Variants in CIP2A observed in about 807,000 individuals in gnomAD.
CIP2A encodes the protein cellular inhibitor of PP2A.
CIP2A carries 103 observed loss-of-function variants against 110.9 expected under a neutral mutation model. That is an observed-to-expected ratio of 0.93 (90% CI 0.79 to 1.09). The LOEUF (loss-of-function observed/expected upper bound fraction) is 1.09, where lower values mean the gene tolerates loss of function less well. Among genes scored for constraint, CIP2A ranks in the 50% least tolerant of loss-of-function variants. CIP2A has a pLI of 0.00. For synonymous variants in CIP2A, 381 were observed against 361.6 expected, an observed-to-expected ratio of 1.05 and a Z score of -0.61; for missense variants, 1,088 against 1,038.4, an observed-to-expected ratio of 1.05 and a Z score of -0.66.
intron 13 of CIP2A, among the ~76,000 whole-genome samples, chr3:108,562,533 T>C (rs1307355465): frequency 6.6e-6 from 1 of 152,162 alleles, no homozygotes. Context: ...AGACTCCTAA[T>C]AGACATTTAG....
intron 5 of CIP2A, among the ~76,000 whole-genome samples, chr3:108,581,088 G>T (rs1938859153): frequency 1.3e-5 from 2 of 152,218 alleles, no homozygotes; most frequent in South Asian, 4.1e-4. Context: ...GACTGCCAGT[G>T]ATGTGCCTCC....
At chr3:108,572,645 G>A (rs1443638896) in intron 8 of CIP2A, among the ~76,000 whole-genome samples, 1 of 152,008 alleles carries the variant, frequency 6.6e-6, no homozygotes, top group East Asian at 1.9e-4. Context: ...TATTTGTCAC[G>A]AGAATATAAA....
chr3:108,581,921 T>C (rs1014468323), intron 4 of CIP2A, among the ~76,000 whole-genome samples, 187 bp downstream of exon 4: 2 of 152,182 alleles, frequency 1.3e-5, no homozygotes, highest in African/African-American at 4.8e-5. Context: ...TTTTCACCAA[T>C]GAATGAGGTC....
intron 8 of CIP2A, among the ~76,000 whole-genome samples, chr3:108,570,988 T>C (rs1245053619): frequency 3.3e-5 from 5 of 152,130 alleles, no homozygotes; most frequent in Non-Finnish European, 7.4e-5. Context: ...GCTTTTTCTT[T>C]TTAAACTTTT....
rs1328975103 is a variant in CIP2A at position 108,589,358 on chromosome 3, G to A, written c.18C>T (p.Cys6=). Reference sequence around the variant, plus strand: ...TGACAGTCAGGAGCAAGGACTTCAAGCAGGCAGTGGAGTCCATTGCACCGG... The same window carrying A: ...TGACAGTCAGGAGCAAGGACTTCAAACAGGCAGTGGAGTCCATTGCACCGG... The part of the protein sequence containing the change: MDSTA[C]LKSLLLTVSQ... The change falls in exon 1 of 21, where the codon TGC becomes TGT. Residue 6 remains cysteine, a synonymous_variant. Transcript: ENST00000295746. 2 of 1,613,440 alleles carry A rather than the reference G, an allele frequency of 1.2e-6. No homozygotes were observed. Among genetic ancestry groups the A allele is most frequent in the Non-Finnish European group, 1.7e-6 (2 of 1,179,596 alleles).
intron 8 of CIP2A, among the ~76,000 whole-genome samples, chr3:108,574,225 AC>A: frequency 6.6e-6 from 1 of 152,164 alleles, no homozygotes; most frequent in East Asian, 1.9e-4. Flanking sequence ...ACGTCAAAGA[AC>A]ATACAAATGG....
chr3:108,576,676 T>G (rs1938665930), intron 7 of CIP2A, among the ~76,000 whole-genome samples: 1 of 152,216 alleles, frequency 6.6e-6, no homozygotes, highest in Admixed American at 6.5e-5. Flanking sequence ...GTGTTCACTT[T>G]GTAAAAATTC....
chr3:108,585,383 T>C (rs1266835349), intron 1 of CIP2A, among the ~76,000 whole-genome samples, 171 bp from the exon 2 acceptor site: 4 of 152,146 alleles, frequency 2.6e-5, no homozygotes. Flanking sequence ...ATCAATTACC[T>C]AATCCCTCCC....
Position 108,575,853 on chromosome 3 carries a change from T to C in CIP2A, c.894+418A>G, listed in dbSNP as rs1489969064. 2.1e-5 allele frequency among the ~76,000 whole-genome samples: 2 copies of C among 95,244 alleles called. 1 individual carries two copies. Among genetic ancestry groups the C allele is most frequent in the Non-Finnish European group, 4.5e-5 (2 of 44,332 alleles). 62.5% of individuals were successfully genotyped at this position (95,244 alleles called of 152,430 possible). On this transcript the variant is annotated intron_variant, in intron 8 of 20. Transcript: ENST00000295746. ...ATACGTGTATATATACTCATATACA[T>C]GTGTATATACACGTATATATACTCA...
At chr3:108,557,448 A>G in intron 16 of CIP2A, 34 bp from the exon 17 acceptor site, 1 of 1,461,896 alleles carries the variant, frequency 6.8e-7, no homozygotes. Flanking sequence ...CTTTACCACT[A>G]TCATCTATAT....
At chr3:108,555,488 T>C (rs1193186937) in intron 17 of CIP2A, among the ~76,000 whole-genome samples, 1 of 152,206 alleles carries the variant, frequency 6.6e-6, no homozygotes, top group Non-Finnish European at 1.5e-5. Context: ...ACTTAACACA[T>C]GTCCCTGAGT....
At chr3:108,568,813 T>C (rs1330324562) in intron 9 of CIP2A, among the ~76,000 whole-genome samples, 1 of 151,942 alleles carries the variant, frequency 6.6e-6, no homozygotes, top group Non-Finnish European at 1.5e-5. Context: ...CATACACATA[T>C]TTGTTTGTGT....
At chr3:108,573,549 A>G (rs1007515752) in intron 8 of CIP2A, among the ~76,000 whole-genome samples, 1 of 151,870 alleles carries the variant, frequency 6.6e-6, no homozygotes, top group African/African-American at 2.4e-5. Flanking sequence ...ATTCCCTGAG[A>G]CAGTTTAATA....
intron 13 of CIP2A, among the ~76,000 whole-genome samples, chr3:108,561,440 T>G (rs963694003): frequency 1.3e-5 from 2 of 152,048 alleles, no homozygotes; most frequent in Admixed American, 6.6e-5. Context: ...CCGCAGCACT[T>G]TGGGAGGATC....
intron 5 of CIP2A, 47 bp downstream of exon 5, chr3:108,581,368 G>T: frequency 7.7e-7 from 1 of 1,295,970 alleles, no homozygotes; most frequent in Non-Finnish European, 1.1e-6. Context: ...TTTAAGCAGA[G>T]AATCTACCAT....
intron 16 of CIP2A, among the ~76,000 whole-genome samples, chr3:108,557,950 C>G (rs959102354): frequency 4.6e-5 from 7 of 152,096 alleles, no homozygotes; most frequent in Non-Finnish European, 8.8e-5. Flanking sequence ...TTGGTTCCCC[C>G]CAGCCCTTTG....
chr3:108,582,883 C>T (rs1049437324), intron 3 of CIP2A, 94 bp downstream of exon 3: 2 of 621,694 alleles, frequency 3.2e-6, no homozygotes, highest in Admixed American at 2.8e-5. Flanking sequence ...TATTATATAG[C>T]ATATATACAC....
At chr3:108,577,589 C>A (rs1400022524) in intron 7 of CIP2A, among the ~76,000 whole-genome samples, 3 of 152,006 alleles carry the variant, frequency 2.0e-5, no homozygotes, top group Non-Finnish European at 4.4e-5. Context: ...TAAAAGGTAG[C>A]AAGAGAAAAA....
At chr3:108,557,140 AT>A in intron 17 of CIP2A, 77 bp downstream of exon 17, 1 of 891,484 alleles carries the variant, frequency 1.1e-6, no homozygotes. Context: ...TTACAAAAGG[AT>A]TTTCGGGTCT....
Sources: allele counts gnomAD v4.1 joint callset (sites outside exome capture counted in the v4.1 genomes callset), GRCh38; gene constraint gnomAD v4.1.1; transcripts MANE v1.5; gene names NCBI Gene and HGNC (gene_info 2026-07-23, HGNC 2026-07-21).